EP300: variants seen among roughly 807,000 people sequenced by gnomAD.
EP300 encodes EP300 lysine acetyltransferase.
In EP300, 31 loss-of-function variants were observed where a neutral mutation model predicts 264.0. The observed-to-expected ratio is 0.12, with a 90% confidence interval of 0.09 to 0.16. The LOEUF (loss-of-function observed/expected upper bound fraction) is 0.16, where lower values mean the gene tolerates loss of function less well. Ranked by LOEUF, EP300 falls within the 10% of genes least tolerant of loss-of-function variation. The probability of loss-of-function intolerance (pLI) is 1.00; values close to 1 mark genes in which losing one functional copy is unlikely to be tolerated. For missense variants in EP300, 2,766 were observed against 3,052.9 expected, an observed-to-expected ratio of 0.91 and a Z score of 2.21; for synonymous variants, 1,340 against 1,045.4, an observed-to-expected ratio of 1.28 and a Z score of -5.44.
chr22:41,106,805 C>CA (rs1569084785), intron 1 of EP300, among the ~76,000 whole-genome samples: 1 of 152,076 alleles, frequency 6.6e-6, no homozygotes, highest in Non-Finnish European at 1.5e-5. Flanking sequence ...CTATGTTGCT[C>CA]AGGCTTGTCT....
intron 6 of EP300, among the ~76,000 whole-genome samples, chr22:41,131,924 A>G (rs777030883): frequency 6.6e-6 from 1 of 152,040 alleles, no homozygotes; most frequent in Non-Finnish European, 1.5e-5. Flanking sequence ...CGGGCCGGGC[A>G]TGGTGGCTAA....
intron 4 of EP300, among the ~76,000 whole-genome samples, chr22:41,127,955 A>C (rs1477159999): frequency 6.6e-6 from 1 of 152,204 alleles, no homozygotes; most frequent in Non-Finnish European, 1.5e-5. Flanking sequence ...TGGTAGGCCA[A>C]ATGGGGAGGA....
At chr22:41,130,267 AAAAG>A (rs1054394022) in intron 5 of EP300, among the ~76,000 whole-genome samples, 32 of 151,836 alleles carry the variant, frequency 2.1e-4, no homozygotes, top group South Asian at 1.2e-3. Context: ...AAAAAAAAAA[AAAAG>A]AAAGAAAAAA....
chr22:41,177,629 C>A lies in EP300; in HGVS notation c.5918C>A (p.Thr1973Asn). The change falls in exon 31 of 31, where the codon ACC becomes AAC. Residue 1973 changes from threonine (T) to asparagine (N), a missense_variant. Transcript: ENST00000263253. Reference protein sequence around the residue: ...APMGMNPPPMTRGPSGHLEPG... With the variant: ...APMGMNPPPMNRGPSGHLEPG... ...ATGGGTATGAACCCACCTCCCATGA[C>A]CAGAGGTCCCAGTGGGCATTTGGAG... is the stretch of plus-strand genomic sequence containing the variant. 2 of 1,614,102 alleles carry A rather than the reference C, an allele frequency of 1.2e-6. No homozygotes were observed. The highest frequency in any genetic ancestry group is 1.7e-6 in the Non-Finnish European group (2 of 1,180,016).
intron 7 of EP300, among the ~76,000 whole-genome samples, chr22:41,136,814 C>T (rs543652559): frequency 6.6e-6 from 1 of 152,072 alleles, no homozygotes; most frequent in African/African-American, 2.4e-5. Flanking sequence ...AATCCCAGCA[C>T]TTTGGGAGGC....
chr22:41,141,309 G>A, intron 10 of EP300, 87 bp downstream of exon 10: 4 of 1,440,744 alleles, frequency 2.8e-6, no homozygotes, highest in Non-Finnish European at 3.9e-6. Flanking sequence ...GTAAGCTTGT[G>A]TAACTATTCT....
chr22:41,096,364 GCC>G (rs1256223388), intron 1 of EP300, among the ~76,000 whole-genome samples: 10 of 152,114 alleles, frequency 6.6e-5, no homozygotes, highest in Admixed American at 2.6e-4. Flanking sequence ...AACGCTTAAT[GCC>G]GTATGCACTT....
chr22:41,113,511 G>A (rs1456259193), intron 1 of EP300, among the ~76,000 whole-genome samples: 1 of 152,042 alleles, frequency 6.6e-6, no homozygotes, highest in Non-Finnish European at 1.5e-5. Context: ...AACCTCAGGA[G>A]ACTCACTGGA....
chr22:41,163,984 G>C, intron 21 of EP300, 69 bp from the exon 22 acceptor site: 1 of 1,405,470 alleles, frequency 7.1e-7, no homozygotes, highest in South Asian at 1.2e-5. Flanking sequence ...CAGAAGTCAT[G>C]GGAAATATTG....
intron 22 of EP300, among the ~76,000 whole-genome samples, chr22:41,166,045 A>G (rs980253061): frequency 6.6e-6 from 1 of 152,150 alleles, no homozygotes; most frequent in Admixed American, 6.5e-5. Flanking sequence ...TCGACCTCCC[A>G]AAGTACTGGG....
chr22:41,155,097 A>G lies in EP300; in HGVS notation c.3245A>G (p.Gln1082Arg). Residue 1082 changes from glutamine (Q) to arginine (R), a missense_variant, in exon 17 of 31, where the codon CAG becomes CGG. Transcript: ENST00000263253. The stretch of plus-strand genomic sequence containing the variant: ...CCCTTTCGTCAACCTGTGGACCCTC[A>G]GCTTTTAGGAATCCCTGTAAGTATT... The part of the protein sequence containing the change: ...SLPFRQPVDP[Q>R]LLGIPDYFDI... 1 of 1,611,384 alleles carries G rather than the reference A, an allele frequency of 6.2e-7. No individual in the cohort carries two copies.
At chr22:41,163,212 G>C (rs2059116860) in intron 21 of EP300, among the ~76,000 whole-genome samples, 1 of 141,462 alleles carries the variant, frequency 7.1e-6, no homozygotes, top group Non-Finnish European at 1.5e-5. Context: ...GAGGCGGGCA[G>C]ATCACGAGGT....
In EP300 at chr22:41,147,820, T is replaced by A. The variant is rs760225968; in HGVS notation, c.2132-17T>A. On this transcript the variant is annotated splice_polypyrimidine_tract_variant and intron_variant, in intron 11 of 30. Transcript: ENST00000263253. ...TCACAAAGGCATTCAGATCTAACAT[T>A]TTGCTCATATTCACAGGTTTGAATC... 6.5e-7 allele frequency: 1 copy of A among 1,540,754 alleles called. No homozygotes were observed. Among genetic ancestry groups the A allele is most frequent in the Non-Finnish European group, 9.0e-7 (1 of 1,113,180 alleles).
At chr22:41,142,901 G>A (rs1456797938) in intron 10 of EP300, among the ~76,000 whole-genome samples, 1 of 151,664 alleles carries the variant, frequency 6.6e-6, no homozygotes, top group African/African-American at 2.4e-5. Flanking sequence ...AAAAACAAGT[G>A]GACATACCTG....
chr22:41,158,503 A>G lies in EP300; in HGVS notation c.3590+3A>G. 1 of 1,613,796 alleles carries G rather than the reference A, an allele frequency of 6.2e-7. No homozygotes were observed. The highest frequency in any genetic ancestry group is 8.5e-7 in the Non-Finnish European group (1 of 1,179,736). ...ACTTATTACAGTTACCAGAACAGGTAAGCTTGGCCAGGTGTGGACCATGGT... is the reference window on the plus strand; with the variant it reads ...ACTTATTACAGTTACCAGAACAGGTGAGCTTGGCCAGGTGTGGACCATGGT... On this transcript the variant is annotated splice_donor_region_variant and intron_variant, in intron 19 of 30. Transcript: ENST00000263253.
At chr22:41,093,690 T>G (rs867973719) in intron 1 of EP300, among the ~76,000 whole-genome samples, 2 of 152,210 alleles carry the variant, frequency 1.3e-5, no homozygotes, top group Admixed American at 6.5e-5. Flanking sequence ...CTTATTTGCT[T>G]TAAGAATCAA....
At chr22:41,098,161 A>G (rs554460794) in intron 1 of EP300, among the ~76,000 whole-genome samples, 49 of 152,226 alleles carry the variant, frequency 3.2e-4, no homozygotes, top group African/African-American at 1.2e-3. Context: ...CCCTGCTAAA[A>G]AATTTTTTAA....
chr22:41,164,203 C>A, intron 22 of EP300, 73 bp downstream of exon 22: 1 of 1,294,572 alleles, frequency 7.7e-7, no homozygotes, highest in Non-Finnish European at 1.1e-6. Context: ...TTATTCTATG[C>A]AATTGACTGT....
intron 26 of EP300, among the ~76,000 whole-genome samples, chr22:41,169,825 A>T (rs1041661536): frequency 3.3e-5 from 5 of 152,158 alleles, no homozygotes; most frequent in Non-Finnish European, 7.4e-5. Context: ...CCCATCCAAC[A>T]TTAGTTTTGT....
Sources: allele counts gnomAD v4.1 joint callset (sites outside exome capture counted in the v4.1 genomes callset), GRCh38; gene constraint gnomAD v4.1.1; transcripts MANE v1.5; gene names NCBI Gene and HGNC (gene_info 2026-07-23, HGNC 2026-07-21).